The following RAB31 variants were observed in gnomAD, a reference collection of about 807,000 sequenced individuals.
RAB31 encodes ras-related protein Rab-31.
A neutral mutation model predicts 25.6 loss-of-function variants in RAB31; 21 were observed. That is an observed-to-expected ratio of 0.82 (90% CI 0.58 to 1.18). The LOEUF (loss-of-function observed/expected upper bound fraction) is 1.18. RAB31 is among the 50% of genes most tolerant of loss of function. RAB31 has a pLI of 0.00. For synonymous variants in RAB31, 87 were observed against 84.0 expected (o/e 1.04, Z -0.20); for missense variants, 196 against 250.1 (o/e 0.78, Z 1.46).
At chr18:9,772,789 C>T (rs950633210) in intron 1 of RAB31, among the ~76,000 whole-genome samples, 11 of 152,044 alleles carry the variant, frequency 7.2e-5, no homozygotes, top group African/African-American at 2.7e-4. Context: ...TCTTCAAGGG[C>T]AGGGCAGGGC....
chr18:9,838,894 CT>C (rs754693095), intron 5 of RAB31, among the ~76,000 whole-genome samples: 46 of 152,172 alleles, frequency 3.0e-4, no homozygotes, highest in Non-Finnish European at 5.6e-4. Flanking sequence ...CCAGTTGACT[CT>C]CAGCACTCAC....
At chr18:9,742,431 G>A (rs1422502046) in intron 1 of RAB31, among the ~76,000 whole-genome samples, 1 of 152,216 alleles carries the variant, frequency 6.6e-6, no homozygotes, top group Admixed American at 6.5e-5. Flanking sequence ...CCTTCAAGCC[G>A]ACAGGAAGGG....
At chr18:9,802,566 A>G (rs1283722845) in intron 3 of RAB31, among the ~76,000 whole-genome samples, 2 of 152,236 alleles carry the variant, frequency 1.3e-5, no homozygotes, top group African/African-American at 2.4e-5. Context: ...AGGGATCCAC[A>G]CTGACATCCT....
At chr18:9,842,079 AAG>A (rs1285499779) in intron 5 of RAB31, among the ~76,000 whole-genome samples, 2 of 152,126 alleles carry the variant, frequency 1.3e-5, no homozygotes, top group Non-Finnish European at 2.9e-5. Flanking sequence ...AGCTAAATGG[AAG>A]AGATAGTGAG....
intron 1 of RAB31, among the ~76,000 whole-genome samples, chr18:9,741,814 G>A (rs115022954): frequency 2.0e-5 from 3 of 152,296 alleles, no homozygotes; most frequent in African/African-American, 2.4e-5. Context: ...GGAAATGCTC[G>A]CCTCACTTCC....
At chr18:9,724,292 A>AAAAAAAAC (rs2068087266) in intron 1 of RAB31, among the ~76,000 whole-genome samples, 5 of 143,558 alleles carry the variant, frequency 3.5e-5, no homozygotes, top group African/African-American at 1.1e-4. Context: ...AAAAAACAAA[A>AAAAAAAAC]AAAAAACATT....
At position 9,727,651 on chromosome 18, in the gene RAB31, T is replaced by C. The variant is rs78824975; in HGVS notation, c.39+19207T>C. 3.7e-3 allele frequency among the ~76,000 whole-genome samples: 569 copies of C among 152,350 alleles called. 2 individuals carry two copies. Among genetic ancestry groups the C allele is most frequent in the African/African-American group, 0.013 (549 of 41,592 alleles). ...GTTAATTGTGTATAATTAAGCCATT[T>C]TAAAGTGCTCAAGGGTGTTTGAAAA... On this transcript the variant is annotated intron_variant, in intron 1 of 6. Coordinates refer to ENST00000578921, the MANE Select transcript of RAB31 (RefSeq NM_006868.4).
chr18:9,821,626 C>T (rs10468661), intron 5 of RAB31, among the ~76,000 whole-genome samples: 5,009 of 151,910 alleles, frequency 0.033, 284 homozygotes, highest in African/African-American at 0.11. Context: ...ACAAAAGCAA[C>T]GTGGAAAAAT....
intron 1 of RAB31, among the ~76,000 whole-genome samples, chr18:9,736,133 G>A (rs1227112333): frequency 1.3e-5 from 2 of 152,074 alleles, no homozygotes; most frequent in Non-Finnish European, 2.9e-5. Flanking sequence ...CACCATGCCT[G>A]GCTAATTTTT....
intron 2 of RAB31, among the ~76,000 whole-genome samples, chr18:9,790,001 G>A (rs1296364142): frequency 5.3e-5 from 8 of 152,082 alleles, no homozygotes; most frequent in African/African-American, 1.7e-4. Context: ...AAGATTTAGA[G>A]GCTGAGGAAA....
intron 1 of RAB31, among the ~76,000 whole-genome samples, chr18:9,769,257 T>A (rs540179296): frequency 6.6e-6 from 1 of 152,362 alleles, no homozygotes; most frequent in East Asian, 1.9e-4. Context: ...TTGATGGGGA[T>A]AGCATTGAAT....
intron 1 of RAB31, among the ~76,000 whole-genome samples, chr18:9,721,443 GT>G (rs1430396217): frequency 6.6e-6 from 1 of 152,004 alleles, no homozygotes; most frequent in Non-Finnish European, 1.5e-5. Flanking sequence ...GTGAAACCCT[GT>G]CTCTACCAAA....
At chr18:9,800,790 T>A (rs2068510294) in intron 3 of RAB31, among the ~76,000 whole-genome samples, 4 of 152,236 alleles carry the variant, frequency 2.6e-5, no homozygotes. Context: ...GCCCCCCTTT[T>A]TTTTTATTTA....
intron 1 of RAB31, chr18:9,723,692 G>A (rs2068083319): frequency 6.6e-6 from 1 of 152,186 alleles, no homozygotes; most frequent in Non-Finnish European, 1.5e-5. Flanking sequence ...AGCGAAGTGG[G>A]TGTGTGCAAA....
chr18:9,831,955 C>A (rs1052316945), intron 5 of RAB31, among the ~76,000 whole-genome samples: 23 of 152,186 alleles, frequency 1.5e-4, no homozygotes, highest in African/African-American at 5.1e-4. Flanking sequence ...CCCTTGGTAG[C>A]CACGGAGGGC....
At chr18:9,778,923 A>C (rs1341377293) in intron 2 of RAB31, among the ~76,000 whole-genome samples, 1 of 152,250 alleles carries the variant, frequency 6.6e-6, no homozygotes. Flanking sequence ...AGATAAAAGA[A>C]AATATTACTA....
chr18:9,847,811 C>A (rs977679608), intron 6 of RAB31, among the ~76,000 whole-genome samples: 14 of 152,130 alleles, frequency 9.2e-5, no homozygotes, highest in Admixed American at 8.5e-4. Context: ...TGAGCTCAAG[C>A]AATCTTCCCC....
intron 2 of RAB31, among the ~76,000 whole-genome samples, chr18:9,785,679 A>G (rs528726790): frequency 1.3e-4 from 20 of 152,342 alleles, no homozygotes; most frequent in African/African-American, 4.6e-4. Context: ...TGCTACTCAG[A>G]GAGGCCAAGA....
chr18:9,785,069 G>C (rs181633328), intron 2 of RAB31: 16 of 152,454 alleles, frequency 1.0e-4, no homozygotes, highest in Admixed American at 8.5e-4. Context: ...AAGAAGCCTG[G>C]AAGAGGAGGA....
Sources: allele counts gnomAD v4.1 joint callset (sites outside exome capture counted in the v4.1 genomes callset), GRCh38; gene constraint gnomAD v4.1.1; transcripts MANE v1.5; gene names NCBI Gene and HGNC (gene_info 2026-07-23, HGNC 2026-07-21).